The following EBF3 variants were observed in gnomAD, a reference collection of about 807,000 sequenced individuals.
EBF3 encodes transcription factor COE3.
EBF3 carries 18 observed loss-of-function variants against 77.1 expected under a neutral mutation model. The ratio of observed to expected loss-of-function variants is 0.23; its 90% CI spans 0.16 to 0.35. The LOEUF (loss-of-function observed/expected upper bound fraction) is 0.35, where lower values mean the gene tolerates loss of function less well. Ranked by LOEUF, EBF3 falls within the 10% of genes least tolerant of loss-of-function variation. EBF3 has a pLI of 1.00. For missense variants in EBF3, 558 were observed against 860.0 expected (o/e 0.65, Z 4.39); for synonymous variants, 350 against 343.5 (o/e 1.02, Z -0.21).
At chr10:129,843,624 A>G (rs959651780) in intron 11 of EBF3, among the ~76,000 whole-genome samples, 1 of 152,258 alleles carries the variant, frequency 6.6e-6, no homozygotes, top group Non-Finnish European at 1.5e-5. Context: ...AAGAACAATA[A>G]GTAATTTTCC....
At position 129,956,137 on chromosome 10, in the gene EBF3, A is replaced by G. The variant is rs989885931; in HGVS notation, c.554+1121T>C. Among the ~76,000 whole-genome samples, 37 of 152,240 alleles carry G rather than the reference A, an allele frequency of 2.4e-4. 1 individual carries two copies. Among genetic ancestry groups the G allele is most frequent in the Non-Finnish European group, 2.9e-5 (2 of 68,042 alleles). Reference sequence around the variant, plus strand: ...AACATTCTCCACTAAGCAAACAGCTATTCCAGCTAGTTAAACATTAGCATT... The same window carrying G: ...AACATTCTCCACTAAGCAAACAGCTGTTCCAGCTAGTTAAACATTAGCATT... On this transcript the variant is annotated intron_variant, in intron 6 of 16. Coordinates refer to ENST00000440978, the MANE Select transcript of EBF3 (RefSeq NM_001375380.1).
At chr10:129,900,295 T>C (rs71476185) in intron 6 of EBF3, among the ~76,000 whole-genome samples, 21,707 of 152,220 alleles carry the variant, frequency 0.14, 1,988 homozygotes, top group Admixed American at 0.21. Context: ...CTTATGTGAA[T>C]TATTTTTTTC....
intron 6 of EBF3, among the ~76,000 whole-genome samples, chr10:129,919,045 G>A (rs1318415747): frequency 6.6e-6 from 1 of 152,160 alleles, no homozygotes; most frequent in African/African-American, 2.4e-5. Context: ...CAGTGGGAAG[G>A]GGACCCAGCC....
chr10:129,845,646 A>T (rs1296604911), intron 11 of EBF3: 1 of 152,248 alleles, frequency 6.6e-6, no homozygotes, highest in South Asian at 2.1e-4. Context: ...TACATTGAAG[A>T]GTGCAGAGCC....
At chr10:129,959,800 T>G (rs952221755) in intron 4 of EBF3, among the ~76,000 whole-genome samples, 1 of 150,982 alleles carries the variant, frequency 6.6e-6, no homozygotes, top group Non-Finnish European at 1.5e-5. Context: ...CCCGCAGGAG[T>G]GCCGGGGCCC....
rs1239159408 is a variant in EBF3, at chr10:129,897,349, G to A, written c.555-19500C>T. Among the ~76,000 whole-genome samples the A allele has an allele frequency of 1.3e-5, 2 of 152,200 alleles. No individual in the cohort carries two copies. Among genetic ancestry groups the A allele is most frequent in the African/African-American group, 4.8e-5 (2 of 41,452 alleles). On this transcript the variant is annotated intron_variant, in intron 6 of 16. Transcript: ENST00000440978. This position sits in a 1 kb window ranked among gnomAD's most constrained non-coding sequence, Gnocchi z 4.6. ...TGGGTGAGTTCTTGGGGGTACACCA[G>A]TGGCCCCAGGACCTTTGTGGAACCA...
At position 129,875,014 on chromosome 10, in the gene EBF3, TAATAA is replaced by T. The variant is rs993868662; in HGVS notation, c.637-1423_637-1419del. Reference sequence around the variant, plus strand: ...CTTCTCTAAGAAAAATAAAGCCTATTAATAAAATAATTAAACTAGTTACCTAATAC... The same window carrying T: ...CTTCTCTAAGAAAAATAAAGCCTATTAATAATTAAACTAGTTACCTAATAC... On this transcript the variant is annotated intron_variant, in intron 7 of 16. Transcript: ENST00000440978. Among the ~76,000 whole-genome samples, 287 of 152,132 alleles carry T rather than the reference TAATAA, an allele frequency of 1.9e-3. 3 individuals carry two copies. Among genetic ancestry groups the T allele is most frequent in the African/African-American group, 4.2e-3 (174 of 41,508 alleles).
At chr10:129,895,325 G>A (rs991378010) in intron 6 of EBF3, among the ~76,000 whole-genome samples, 1 of 152,194 alleles carries the variant, frequency 6.6e-6, no homozygotes, top group Non-Finnish European at 1.5e-5. Context: ...AGGCTCCAGA[G>A]GGAGTGGACG....
At chr10:129,871,132 A>T (rs1852376003) in intron 8 of EBF3, among the ~76,000 whole-genome samples, 1 of 152,164 alleles carries the variant, frequency 6.6e-6, no homozygotes, top group African/African-American at 2.4e-5. Flanking sequence ...GCATAAACCT[A>T]ACCGCATTAC....
intron 6 of EBF3, among the ~76,000 whole-genome samples, chr10:129,878,950 G>C (rs930310360): frequency 1.3e-5 from 2 of 152,106 alleles, no homozygotes; most frequent in African/African-American, 4.8e-5. Flanking sequence ...CTGCAGGGCT[G>C]GGGAGGTGAG....
rs1265061322 is a variant in EBF3 at position 129,841,475 on chromosome 10, C to T, written c.1373-443G>A. On this transcript the variant is annotated intron_variant, in intron 13 of 16. Transcript: ENST00000440978. This position sits in a 1 kb window ranked among gnomAD's most constrained non-coding sequence, Gnocchi z 4.6. ...CATTTGTATGGTTGTTATTTCTATACATGGGGGCGTTCGGGGGACATGGAA... is the reference window on the plus strand; with the variant it reads ...CATTTGTATGGTTGTTATTTCTATATATGGGGGCGTTCGGGGGACATGGAA... Among the ~76,000 whole-genome samples the T allele has an allele frequency of 1.3e-5, 2 of 152,162 alleles. No individual in the cohort carries two copies. The highest frequency in any genetic ancestry group is 2.9e-5 in the Non-Finnish European group (2 of 68,034).
At chr10:129,883,403 G>A (rs776579604) in intron 6 of EBF3, among the ~76,000 whole-genome samples, 70 of 152,312 alleles carry the variant, frequency 4.6e-4, no homozygotes, top group Non-Finnish European at 8.2e-4. Flanking sequence ...TGGGTAATGT[G>A]GGAAATCAGA....
chr10:129,881,248 G>C (rs1190051925), intron 6 of EBF3, among the ~76,000 whole-genome samples: 4 of 152,138 alleles, frequency 2.6e-5, no homozygotes, highest in Non-Finnish European at 1.5e-5. Flanking sequence ...ATTCTAACCT[G>C]TCATTAGTAC....
At chr10:129,876,136 G>T (rs1852757120) in intron 7 of EBF3, among the ~76,000 whole-genome samples, 1 of 152,216 alleles carries the variant, frequency 6.6e-6, no homozygotes, top group African/African-American at 2.4e-5. Flanking sequence ...GCTGTGCTCT[G>T]TGTCTCACCT....
intron 6 of EBF3, among the ~76,000 whole-genome samples, chr10:129,932,037 G>C (rs1200247773): frequency 6.6e-6 from 1 of 152,170 alleles, no homozygotes; most frequent in Non-Finnish European, 1.5e-5. Context: ...AGGAAGAAGA[G>C]AGGGCTTGGT....
intron 6 of EBF3, among the ~76,000 whole-genome samples, chr10:129,915,408 T>C (rs1855805803): frequency 6.6e-6 from 1 of 151,778 alleles, no homozygotes; most frequent in Non-Finnish European, 1.5e-5. Flanking sequence ...ACAAAAACAC[T>C]TTCTCCAGAA....
At chr10:129,872,422 G>C (rs1430164141) in intron 8 of EBF3, among the ~76,000 whole-genome samples, 1 of 152,188 alleles carries the variant, frequency 6.6e-6, no homozygotes, top group Non-Finnish European at 1.5e-5. Flanking sequence ...GACCACAGCA[G>C]ATTCATAAAT....
At chr10:129,949,407 C>T (rs1858490305) in intron 6 of EBF3, among the ~76,000 whole-genome samples, 1 of 152,214 alleles carries the variant, frequency 6.6e-6, no homozygotes, top group African/African-American at 2.4e-5. Context: ...GGCTCCAGTG[C>T]CAAGAAGACT....
intron 10 of EBF3, among the ~76,000 whole-genome samples, chr10:129,857,981 A>G (rs1851370699): frequency 6.6e-6 from 1 of 152,240 alleles, no homozygotes. Context: ...GCCAGCTGGC[A>G]TTTTGCAAAT....
Sources: gnomAD v4.1 joint callset for allele counts (sites outside exome capture counted in the v4.1 genomes callset) on GRCh38, gnomAD v4.1.1 for gene constraint, Gnocchi (gnomAD v3.1) non-coding constraint, MANE v1.5 for transcripts, NCBI Gene and HGNC (gene_info 2026-07-23, HGNC 2026-07-21) for gene names.